Variants in SBNO2 observed in about 807,000 individuals in gnomAD.
SBNO2 encodes strawberry notch homolog 2.
Under a neutral mutation model 146.3 loss-of-function variants are expected in SBNO2, and 89 were observed. The observed-to-expected ratio is 0.61, with a 90% confidence interval of 0.51 to 0.73. The LOEUF is 0.73. Among genes scored for constraint, SBNO2 ranks in the 30% least tolerant of loss-of-function variants. The probability of loss-of-function intolerance (pLI) is 0.00; values close to 1 mark genes in which losing one functional copy is unlikely to be tolerated. For missense variants in SBNO2, 2,092 were observed against 2,003.7 expected (o/e 1.04, Z -0.84); for synonymous variants, 1,147 against 892.6 (o/e 1.29, Z -5.08).
At chr19:1,172,775 A>ACCCCCCCCACCCCCCCCCCCC (rs200691444) in intron 1 of SBNO2, among the ~76,000 whole-genome samples, 1 of 39,606 alleles carries the variant, frequency 2.5e-5, no homozygotes, top group Non-Finnish European at 3.8e-5. Context: ...ACTCACTGCA[A>ACCCCCCCCACCCCCCCCCCCC]CCGCCCCCCC....
chr19:1,145,004 T>C (rs1396821657), intron 4 of SBNO2, among the ~76,000 whole-genome samples: 1 of 98,350 alleles, frequency 1.0e-5, no homozygotes, highest in African/African-American at 4.1e-5. Context: ...AGATGGAGCA[T>C]AGAGGGAGAC....
Position 1,113,030 on chromosome 19 carries a change from A to G in SBNO2, c.2248-81T>C, listed in dbSNP as rs1208347562. The G allele has an allele frequency of 6.9e-6, 10 of 1,454,408 alleles. No homozygotes were observed. In the East Asian group the frequency reaches 1.0e-4, roughly 15 times the overall value. The allele number at this position is 1,454,408 out of a possible 1,614,324, so 90.1% of individuals were successfully genotyped here. ...TGGCCACCCGTGTCTCAGCTTCCCT[A>G]TGTCCTACAGTGGTCATGGGCTCCC... On this transcript the variant is annotated intron_variant, in intron 19 of 31. Transcript: ENST00000361757.
At chr19:1,149,305 T>C (rs1274853429) in intron 3 of SBNO2, 64 bp downstream of exon 3, 95 of 1,453,412 alleles carry the variant, frequency 6.5e-5, no homozygotes, top group Non-Finnish European at 8.7e-5. Context: ...CAGAACTCCG[T>C]TTGTAACTGT....
intron 12 of SBNO2, 23 bp downstream of exon 12, chr19:1,119,883 A>T: frequency 6.6e-7 from 1 of 1,511,264 alleles, no homozygotes; most frequent in Non-Finnish European, 8.9e-7. Context: ...CGGGTGGGTC[A>T]CGTGGGATCC....
At chr19:1,163,768 G>T (rs1231217139) in intron 1 of SBNO2, among the ~76,000 whole-genome samples, 1 of 152,234 alleles carries the variant, frequency 6.6e-6, no homozygotes, top group Admixed American at 6.5e-5. Context: ...CATGCTGGGG[G>T]ACGGCCCCTC....
In SBNO2 at chr19:1,154,267, C is replaced by T; in HGVS notation, c.10G>A (p.Val4Met). The change falls in exon 2 of 32, where the codon GTG becomes ATG. Residue 4 changes from valine to methionine, a missense_variant. By Grantham distance (21) the Val-to-Met change is conservative (BLOSUM62 1). Transcript: ENST00000361757. Reference protein sequence around the residue: MLAVGPAMDRDYPQ... With the variant: MLAMGPAMDRDYPQ... ...TAATCCCTGTCCATGGCGGGCCCCA[C>T]TGCAAGCATCGGGCGGCAGGCGGGG... 7.9e-7 allele frequency: 1 copy of T among 1,265,868 alleles called. No individual in the cohort carries two copies. Among genetic ancestry groups the T allele is most frequent in the Non-Finnish European group, 1.0e-6 (1 of 1,004,570 alleles). The allele number at this position is 1,265,868 out of a possible 1,614,324, so 78.4% of individuals were successfully genotyped here.
intron 7 of SBNO2, among the ~76,000 whole-genome samples, chr19:1,123,277 G>A (rs987568806): frequency 1.3e-5 from 2 of 152,080 alleles, no homozygotes; most frequent in Non-Finnish European, 2.9e-5. Context: ...TTGGTTGGGG[G>A]CGTGGCCAGC....
chr19:1,134,168 G>A (rs531559955), intron 4 of SBNO2, among the ~76,000 whole-genome samples: 2 of 148,980 alleles, frequency 1.3e-5, no homozygotes, highest in South Asian at 2.1e-4. Flanking sequence ...CACAGCTCAC[G>A]GGTGGACTCA....
chr19:1,160,639 T>C (rs900013052), intron 1 of SBNO2, among the ~76,000 whole-genome samples: 1 of 152,174 alleles, frequency 6.6e-6, no homozygotes, highest in African/African-American at 2.4e-5. Flanking sequence ...CAGTGATTTT[T>C]GTGCCTCAGC....
chr19:1,124,058 G>T (rs201399381), intron 5 of SBNO2, 36 bp from the exon 6 acceptor site: 5 of 1,591,886 alleles, frequency 3.1e-6, no homozygotes, highest in Non-Finnish European at 4.3e-6. Flanking sequence ...CGGGCCAGAC[G>T]GGACAGGTCA....
At chr19:1,130,348 G>A (rs1031492318) in intron 4 of SBNO2, among the ~76,000 whole-genome samples, 1 of 152,146 alleles carries the variant, frequency 6.6e-6, no homozygotes, top group Non-Finnish European at 1.5e-5. Flanking sequence ...AAAAGTTAAA[G>A]TCAAGTCGGG....
At chr19:1,121,377 C>G (rs2079899321) in intron 11 of SBNO2, among the ~76,000 whole-genome samples, 1 of 152,186 alleles carries the variant, frequency 6.6e-6, no homozygotes, top group Admixed American at 6.5e-5. Context: ...TGCGAAGACA[C>G]CAGCAGTCTC....
chr19:1,123,887 T>A, intron 6 of SBNO2, 55 bp downstream of exon 6: 1 of 1,547,172 alleles, frequency 6.5e-7, no homozygotes, highest in Non-Finnish European at 8.8e-7. Flanking sequence ...CTGAGCCCTC[T>A]CCTTAGGTCC....
rs376964913 is a variant in SBNO2 at position 1,123,954 on chromosome 19, G to A, written c.510C>T (p.Leu170=). 50 of 1,611,552 alleles carry A rather than the reference G, an allele frequency of 3.1e-5. No homozygotes were observed. The African/African-American group carries it at 4.3e-4, about 14-fold the overall frequency. The change falls in exon 6 of 32, where the codon CTC becomes CTT. Residue 170 remains leucine (L), a synonymous_variant. Transcript: ENST00000361757. The part of the protein sequence containing the change: ...DFLPSHSTPL[L]VSYQEQSVQS... ...GGGCCCAGCTCACCTGGTAGCTGAC[G>A]AGAAGCGGGGTGCTGTGGGAGGGCA...
At chr19:1,169,199 CG>C (rs375209246) in intron 1 of SBNO2, 94 of 152,390 alleles carry the variant, frequency 6.2e-4, no homozygotes, top group African/African-American at 2.2e-3. Flanking sequence ...CGAGGCTGCC[CG>C]GGACAGTGCC....
rs1000843533 is a variant in SBNO2 at position 1,109,643 on chromosome 19, G to A, written c.3123+40C>T. On this transcript the variant is annotated intron_variant, in intron 27 of 31. Transcript: ENST00000361757. The surrounding 1 kb of genome is among the most constrained non-coding windows in gnomAD (Gnocchi z 4.2). ...GGGGGTGTGAGTGTGGTGGGGGCGG[G>A]GTGGGCAGAGTGTGAGGGGCTGTGG... The A allele has an allele frequency of 1.3e-6, 2 of 1,589,570 alleles. No individual in the cohort carries two copies. The highest frequency in any genetic ancestry group is 1.3e-5 in the African/African-American group (1 of 74,468).
At position 1,109,823 on chromosome 19, in the gene SBNO2, T is replaced by G; in HGVS notation, c.3029-46A>C. 1 of 1,403,764 alleles carries G rather than the reference T, an allele frequency of 7.1e-7. No individual in the cohort carries two copies. Among genetic ancestry groups the G allele is most frequent in the Non-Finnish European group, 9.8e-7 (1 of 1,015,692 alleles). 87.0% of individuals were successfully genotyped at this position (1,403,764 alleles called of 1,614,324 possible). A position where few individuals can be genotyped will look rare whatever the true frequency, so the allele number is the denominator to read the frequency against. ...TAAGTGGTGTCCAGGCCTGGGACTG[T>G]GGGCTGGGGCCAGGGTCAGTCCCGT... On this transcript the variant is annotated intron_variant, in intron 26 of 31. Transcript: ENST00000361757. This position sits in a 1 kb window ranked among gnomAD's most constrained non-coding sequence, Gnocchi z 4.2.
intron 14 of SBNO2, among the ~76,000 whole-genome samples, chr19:1,118,352 A>G (rs947100644): frequency 6.6e-6 from 1 of 152,290 alleles, no homozygotes; most frequent in South Asian, 2.1e-4. Context: ...AAAATAAAAA[A>G]AAAAAACCAT....
rs1254719725 is a variant in SBNO2, at chr19:1,173,035, T to A, written c.-127+1137A>T. Among the ~76,000 whole-genome samples, 2 of 149,398 alleles carry A rather than the reference T, an allele frequency of 1.3e-5. No homozygotes were observed. Among genetic ancestry groups the A allele is most frequent in the South Asian group, 2.1e-4 (1 of 4,720 alleles). On this transcript the variant is annotated intron_variant, in intron 1 of 31. Coordinates refer to ENST00000361757, the MANE Select transcript of SBNO2 (RefSeq NM_014963.3). This position sits in a 1 kb window ranked among gnomAD's most constrained non-coding sequence, Gnocchi z 4.7. The stretch of plus-strand genomic sequence containing the variant: ...ACTTTTCAGAATGTTAATCAGTTCA[T>A]CCAGGGAGACACCCACCGTCCCTGC...
Sources: gnomAD v4.1 joint callset for allele counts (sites outside exome capture counted in the v4.1 genomes callset) on GRCh38, gnomAD v4.1.1 for gene constraint, Gnocchi (gnomAD v3.1) non-coding constraint, MANE v1.5 for transcripts, NCBI Gene and HGNC (gene_info 2026-07-23, HGNC 2026-07-21) for gene names.